OLFM2: variants seen among roughly 807,000 people sequenced by gnomAD.
OLFM2 encodes the protein olfactomedin 2.
In OLFM2, 20 loss-of-function variants were observed where a neutral mutation model predicts 43.9. The ratio of observed to expected loss-of-function variants is 0.46; its 90% CI spans 0.32 to 0.66. The LOEUF (loss-of-function observed/expected upper bound fraction) is 0.66, where lower values mean the gene tolerates loss of function less well. Among genes scored for constraint, OLFM2 ranks in the 30% least tolerant of loss-of-function variants. The probability of loss-of-function intolerance (pLI) is 0.04; values close to 1 mark genes in which losing one functional copy is unlikely to be tolerated. For missense variants in OLFM2, 416 were observed against 643.6 expected (o/e 0.65, Z 3.83); for synonymous variants, 268 against 278.6 (o/e 0.96, Z 0.38).
At chr19:9,871,654 G>A (rs1210204049) in intron 1 of OLFM2, among the ~76,000 whole-genome samples, 1 of 151,666 alleles carries the variant, frequency 6.6e-6, no homozygotes, top group Non-Finnish European at 1.5e-5. Flanking sequence ...CAGGCCATCT[G>A]GTTACACAGT....
chr19:9,862,373 G>A (rs1004761075), intron 1 of OLFM2, among the ~76,000 whole-genome samples: 4 of 152,028 alleles, frequency 2.6e-5, no homozygotes, highest in African/African-American at 9.7e-5. Context: ...TACAAATCCT[G>A]ATCAATGTCT....
chr19:9,863,240 G>C (rs1465570295), intron 1 of OLFM2, among the ~76,000 whole-genome samples: 1 of 152,116 alleles, frequency 6.6e-6, no homozygotes, highest in African/African-American at 2.4e-5. Context: ...AGCAGATTGA[G>C]TAAGGGGTAA....
chr19:9,921,559 G>A (rs1401968855), intron 1 of OLFM2, among the ~76,000 whole-genome samples: 1 of 151,736 alleles, frequency 6.6e-6, no homozygotes, highest in Non-Finnish European at 1.5e-5. Context: ...CATGATCTTG[G>A]CTTGCTGCAA....
intron 2 of OLFM2, chr19:9,858,110 T>C (rs946608571): frequency 1.7e-6 from 1 of 582,358 alleles, no homozygotes; most frequent in Non-Finnish European, 3.1e-6. Flanking sequence ...CTCCCTAGTC[T>C]CCCAGTTCCA....
chr19:9,909,324 C>T (rs1400924854), intron 1 of OLFM2, among the ~76,000 whole-genome samples: 1 of 152,102 alleles, frequency 6.6e-6, no homozygotes, highest in East Asian at 1.9e-4. Context: ...GAAATGATGT[C>T]CGTGGCTGGC....
intron 1 of OLFM2, among the ~76,000 whole-genome samples, chr19:9,886,665 C>T (rs920922479): frequency 6.6e-6 from 1 of 152,176 alleles, no homozygotes; most frequent in Non-Finnish European, 1.5e-5. Context: ...TGTGCAGCCC[C>T]TGTCATGCTC....
At chr19:9,860,593 G>A (rs954466108) in intron 2 of OLFM2, 52 bp downstream of exon 2, 5 of 1,546,564 alleles carry the variant, frequency 3.2e-6, no homozygotes, top group Non-Finnish European at 4.4e-6. Flanking sequence ...AGGGCGGGGT[G>A]AGAACTGGGA....
intron 1 of OLFM2, among the ~76,000 whole-genome samples, chr19:9,877,669 G>A (rs1192995169): frequency 6.6e-6 from 1 of 152,082 alleles, no homozygotes; most frequent in East Asian, 1.9e-4. Flanking sequence ...AGGGAAGTGG[G>A]TTAGTTATCA....
intron 1 of OLFM2, among the ~76,000 whole-genome samples, chr19:9,883,587 G>A (rs2046559581): frequency 6.6e-6 from 1 of 152,110 alleles, no homozygotes; most frequent in Non-Finnish European, 1.5e-5. Context: ...GGAGCCAGAG[G>A]AGGCTGAAGA....
At chr19:9,897,327 CAAAA>C (rs1160281673) in intron 1 of OLFM2, among the ~76,000 whole-genome samples, 1 of 93,390 alleles carries the variant, frequency 1.1e-5, no homozygotes, top group Non-Finnish European at 2.1e-5. Flanking sequence ...GACTTCGTCT[CAAAA>C]AAAAAAAAAA....
intron 1 of OLFM2, among the ~76,000 whole-genome samples, chr19:9,912,149 G>A (rs564458928): frequency 6.6e-6 from 1 of 151,938 alleles, no homozygotes; most frequent in Admixed American, 6.6e-5. Flanking sequence ...GACACACCAG[G>A]ACATACCCAA....
At chr19:9,934,100 AG>A (rs1434202765) in intron 1 of OLFM2, among the ~76,000 whole-genome samples, 2 of 152,176 alleles carry the variant, frequency 1.3e-5, no homozygotes, top group African/African-American at 4.8e-5. Flanking sequence ...TGGGCCCATC[AG>A]GGACAGGGAA....
chr19:9,917,877 T>TTTTTGTTTTG lies in OLFM2; in HGVS notation c.63+18417_63+18426dup, dbSNP rs56666087. 1.2e-3 allele frequency among the ~76,000 whole-genome samples: 182 copies of TTTTTGTTTTG among 150,450 alleles called. 1 individual carries two copies. Among genetic ancestry groups the TTTTTGTTTTG allele is most frequent in the African/African-American group, 4.0e-3 (164 of 40,894 alleles). On this transcript the variant is annotated intron_variant, in intron 1 of 5. Coordinates refer to ENST00000264833, the MANE Select transcript of OLFM2 (RefSeq NM_058164.4). The stretch of plus-strand genomic sequence containing the variant: ...GTGCCACTTACCCTACTTTAGTTGT[T>TTTTTGTTTTG]TTTTGTTTTGTTTTGTTTTGAGATG...
chr19:9,901,036 G>A (rs1195406773), intron 1 of OLFM2, among the ~76,000 whole-genome samples: 22 of 56,134 alleles, frequency 3.9e-4, no homozygotes, highest in Middle Eastern at 0.014. Context: ...GGAAGGAAGC[G>A]GGGAGGGAGG....
At chr19:9,858,510 C>G (rs1029384783) in intron 2 of OLFM2, among the ~76,000 whole-genome samples, 4 of 152,218 alleles carry the variant, frequency 2.6e-5, no homozygotes. Flanking sequence ...CCATCTGCCT[C>G]CTTCAGGTGG....
At chr19:9,898,108 A>G (rs902025422) in intron 1 of OLFM2, among the ~76,000 whole-genome samples, 3 of 135,380 alleles carry the variant, frequency 2.2e-5, no homozygotes, top group Non-Finnish European at 1.6e-5. Context: ...ACGGGATTTC[A>G]CCATGTTGGT....
chr19:9,862,417 A>G (rs1443851604), intron 1 of OLFM2, among the ~76,000 whole-genome samples: 2 of 152,054 alleles, frequency 1.3e-5, no homozygotes, highest in Admixed American at 6.6e-5. Context: ...CACGCCTGTA[A>G]TCCCAGAATT....
At chr19:9,909,120 A>C (rs547872353) in intron 1 of OLFM2, among the ~76,000 whole-genome samples, 8 of 152,214 alleles carry the variant, frequency 5.3e-5, no homozygotes, top group Admixed American at 4.6e-4. Flanking sequence ...AATTATAGGC[A>C]TGAGCCACAG....
chr19:9,900,420 C>T (rs1022449929), intron 1 of OLFM2, among the ~76,000 whole-genome samples: 1 of 152,084 alleles, frequency 6.6e-6, no homozygotes, highest in African/African-American at 2.4e-5. Flanking sequence ...GAAAATGAGA[C>T]AGAAAAGGGC....
Sources: gnomAD v4.1 joint callset for allele counts (sites outside exome capture counted in the v4.1 genomes callset) on GRCh38, gnomAD v4.1.1 for gene constraint, MANE v1.5 for transcripts, NCBI Gene and HGNC (gene_info 2026-07-23, HGNC 2026-07-21) for gene names.